Variants in OCA2 observed in about 807,000 individuals in gnomAD.
OCA2 encodes the protein P protein.
OCA2 carries 77 observed loss-of-function variants against 100.2 expected under a neutral mutation model. That is an observed-to-expected ratio of 0.77 (90% CI 0.64 to 0.93). OCA2 has a LOEUF of 0.93. Ranked by LOEUF, OCA2 falls within the 40% of genes least tolerant of loss-of-function variation. The probability of loss-of-function intolerance (pLI) is 0.00; values close to 1 mark genes in which losing one functional copy is unlikely to be tolerated. For synonymous variants in OCA2, 432 were observed against 439.2 expected (o/e 0.98, Z 0.21); for missense variants, 1,062 against 1,089.1 (o/e 0.98, Z 0.35).
At chr15:27,816,588 G>A (rs2034309657) in intron 23 of OCA2, among the ~76,000 whole-genome samples, 1 of 152,036 alleles carries the variant, frequency 6.6e-6, no homozygotes, top group South Asian at 2.1e-4. Flanking sequence ...TGACTTCGCA[G>A]GGAAGGTGCC....
intron 23 of OCA2, among the ~76,000 whole-genome samples, chr15:27,798,686 C>T (rs896313539): frequency 4.6e-5 from 7 of 151,856 alleles, no homozygotes; most frequent in African/African-American, 1.7e-4. Flanking sequence ...ACAGAAAACA[C>T]CAGGCCCATT....
At chr15:27,734,247 T>A in the OCA2 span, among the ~76,000 whole-genome samples, 1 of 127,308 alleles carries the variant, frequency 7.9e-6, no homozygotes, top group Admixed American at 9.2e-5. Flanking sequence ...AAACATCAAT[T>A]TGAACAACTA....
intron 19 of OCA2, among the ~76,000 whole-genome samples, chr15:27,874,366 T>C (rs1421279910): frequency 6.6e-6 from 1 of 152,216 alleles, no homozygotes; most frequent in Non-Finnish European, 1.5e-5. Context: ...TAGGCTCCAC[T>C]GTTTCTCACA....
At chr15:27,827,028 T>C (rs2034753707) in intron 23 of OCA2, among the ~76,000 whole-genome samples, 1 of 152,204 alleles carries the variant, frequency 6.6e-6, no homozygotes, top group African/African-American at 2.4e-5. Flanking sequence ...GCCTGCCCTG[T>C]GGGGCTCAGC....
chr15:28,049,388 G>A (rs2043440216), intron 2 of OCA2, among the ~76,000 whole-genome samples: 1 of 152,156 alleles, frequency 6.6e-6, no homozygotes, highest in Non-Finnish European at 1.5e-5. Flanking sequence ...GCAAAGTGTG[G>A]AAAACTCTAT....
rs148872789 is a variant in OCA2 at position 27,980,418 on chromosome 15, C to T, written c.1503+2927G>A. ...CTGGGATTACAGGCGTGAGCCACCG[C>T]GCACGGCCAGTAATTTTTTAAATTA... On this transcript the variant is annotated intron_variant, in intron 14 of 23. Coordinates refer to ENST00000354638, the MANE Select transcript of OCA2 (RefSeq NM_000275.3). 6.9e-3 allele frequency among the ~76,000 whole-genome samples: 1,057 copies of T among 152,294 alleles called. 18 individuals are homozygous for T. The highest frequency in any genetic ancestry group is 0.024 in the African/African-American group (978 of 41,558).
intron 21 of OCA2, among the ~76,000 whole-genome samples, chr15:27,863,895 T>C (rs2036225016): frequency 6.6e-6 from 1 of 152,234 alleles, no homozygotes; most frequent in Non-Finnish European, 1.5e-5. Flanking sequence ...CCTCATAATT[T>C]ATCATTTGTT....
chr15:28,049,724 A>G (rs961599328), intron 2 of OCA2, among the ~76,000 whole-genome samples: 1 of 152,244 alleles, frequency 6.6e-6, no homozygotes, highest in African/African-American at 2.4e-5. Flanking sequence ...CAAATGCTGC[A>G]TGAGTTCACG....
chr15:27,897,751 TG>T (rs1339794259), intron 19 of OCA2, among the ~76,000 whole-genome samples: 14 of 152,146 alleles, frequency 9.2e-5, no homozygotes, highest in Non-Finnish European at 2.1e-4. Flanking sequence ...GATCCCAGAA[TG>T]GTAGATCCAC....
At chr15:27,806,404 G>C (rs1371443745) in intron 23 of OCA2, among the ~76,000 whole-genome samples, 1 of 152,248 alleles carries the variant, frequency 6.6e-6, no homozygotes, top group Non-Finnish European at 1.5e-5. Context: ...GGAAAGGAAC[G>C]TACTGTGAGA....
At chr15:27,974,225 A>C (rs910006629) in intron 14 of OCA2, among the ~76,000 whole-genome samples, 4 of 152,186 alleles carry the variant, frequency 2.6e-5, no homozygotes, top group African/African-American at 9.7e-5. Flanking sequence ...GAATAATTTT[A>C]AAATTAATTT....
At chr15:27,913,921 AAGCAAGC>A (rs2038561329) in intron 19 of OCA2, among the ~76,000 whole-genome samples, 1 of 62,026 alleles carries the variant, frequency 1.6e-5, no homozygotes, top group African/African-American at 8.0e-5. Context: ...GCAAGCAAGC[AAGCAAGC>A]AAGAAAGAAA....
chr15:27,848,702 T>C (rs2035626011), intron 22 of OCA2, among the ~76,000 whole-genome samples: 1 of 152,244 alleles, frequency 6.6e-6, no homozygotes, highest in African/African-American at 2.4e-5. Flanking sequence ...GTGTCTGCAG[T>C]ATACATTCCA....
downstream of OCA2, among the ~76,000 whole-genome samples, chr15:27,753,629 C>T (rs1045287009): frequency 1.3e-5 from 2 of 151,682 alleles, no homozygotes; most frequent in Non-Finnish European, 2.9e-5. Flanking sequence ...CCCAGCTACT[C>T]GGGAGGCTGA....
In OCA2 at chr15:28,097,283, C is replaced by A. The variant is rs141308828; in HGVS notation, c.-22+1941G>T. The stretch of plus-strand genomic sequence containing the variant: ...CGGGTGGCCGGCGCAAGAGCCACAG[C>A]CCGCGACAAGCCGGCTGCCTGCAGG... On this transcript the variant is annotated intron_variant, in intron 1 of 23. Coordinates refer to ENST00000354638, the MANE Select transcript of OCA2 (RefSeq NM_000275.3). 3.5e-3 allele frequency among the ~76,000 whole-genome samples: 540 copies of A among 152,352 alleles called. 2 individuals are homozygous for A. Among genetic ancestry groups the A allele is most frequent in the African/African-American group, 0.012 (511 of 41,592 alleles).
chr15:27,958,486 G>A (rs77735789), intron 15 of OCA2, among the ~76,000 whole-genome samples: 2,642 of 152,232 alleles, frequency 0.017, 94 homozygotes, highest in African/African-American at 0.061. Context: ...ACAGGGAGGC[G>A]CCCTCCAACC....
At position 27,901,803 on chromosome 15, in the gene OCA2, C is replaced by A. The variant is rs192963362; in HGVS notation, c.2079+24324G>T. Among the ~76,000 whole-genome samples the A allele has an allele frequency of 9.5e-4, 145 of 152,308 alleles. 1 individual carries two copies. In the Middle Eastern group the frequency reaches 0.01, roughly 11 times the overall value. ...CACATGTAAGTCCCCAGACCTAAGT[C>A]CCCAGACGTAGCAGGTCACAACTGT... On this transcript the variant is annotated intron_variant, in intron 19 of 23. Coordinates refer to ENST00000354638, the MANE Select transcript of OCA2 (RefSeq NM_000275.3).
At chr15:27,805,019 A>T (rs1446719095) in intron 23 of OCA2, among the ~76,000 whole-genome samples, 1 of 152,192 alleles carries the variant, frequency 6.6e-6, no homozygotes, top group African/African-American at 2.4e-5. Flanking sequence ...GTGGTGAGTT[A>T]TTTAATTGTG....
At chr15:28,004,525 C>T (rs112886039) in intron 9 of OCA2, among the ~76,000 whole-genome samples, 3,317 of 151,964 alleles carry the variant, frequency 0.022, 138 homozygotes, top group African/African-American at 0.076. Flanking sequence ...CTCACATACA[C>T]GGTCTCACAC....
Sources: gnomAD v4.1 joint callset for allele counts (sites outside exome capture counted in the v4.1 genomes callset) on GRCh38, gnomAD v4.1.1 for gene constraint, MANE v1.5 for transcripts, NCBI Gene and HGNC (gene_info 2026-07-23, HGNC 2026-07-21) for gene names.